Variants in RGS7 observed in about 807,000 individuals in gnomAD.
RGS7 encodes the protein regulator of G-protein signaling 7.
RGS7 carries 27 observed loss-of-function variants against 81.1 expected under a neutral mutation model. The ratio of observed to expected loss-of-function variants is 0.33; its 90% CI spans 0.25 to 0.46. The LOEUF is 0.46. Ranked by LOEUF, RGS7 falls within the 20% of genes least tolerant of loss-of-function variation. The probability of loss-of-function intolerance (pLI) is 1.00; values close to 1 mark genes in which losing one functional copy is unlikely to be tolerated. For missense variants in RGS7, 396 were observed against 607.4 expected, an observed-to-expected ratio of 0.65 and a Z score of 3.66; for synonymous variants, 208 against 207.7, an observed-to-expected ratio of 1.00 and a Z score of -0.01.
intron 3 of RGS7, among the ~76,000 whole-genome samples, chr1:241,050,670 C>T (rs761055102): frequency 6.6e-5 from 10 of 152,198 alleles, no homozygotes; most frequent in South Asian, 2.1e-4. Flanking sequence ...GCAACACCAA[C>T]GCCTCCTCCT....
chr1:240,856,514 C>T (rs1355759444), intron 9 of RGS7, among the ~76,000 whole-genome samples: 1 of 152,110 alleles, frequency 6.6e-6, no homozygotes, highest in Non-Finnish European at 1.5e-5. Flanking sequence ...AAATGTACCA[C>T]TTTACTTCTC....
At chr1:240,916,109 C>CAAAAA (rs60839025) in intron 6 of RGS7, among the ~76,000 whole-genome samples, 49 of 70,946 alleles carry the variant, frequency 6.9e-4, no homozygotes, top group African/African-American at 2.2e-3. Flanking sequence ...CTAAAAATAC[C>CAAAAA]AAAAAAAAAA....
At chr1:241,296,596 G>A (rs77878421) in intron 2 of RGS7, among the ~76,000 whole-genome samples, 23,859 of 152,212 alleles carry the variant, frequency 0.16, 2,363 homozygotes, top group Middle Eastern at 0.25. Context: ...CCACATGGAC[G>A]GAAGACGTTC....
intron 3 of RGS7, among the ~76,000 whole-genome samples, chr1:241,016,564 CA>C (rs773086216): frequency 1.6e-5 from 2 of 124,666 alleles, no homozygotes; most frequent in African/African-American, 8.2e-5. Flanking sequence ...ACCAACCAAA[CA>C]AACAAAAAAA....
chr1:241,146,370 G>A (rs192527481), intron 2 of RGS7, among the ~76,000 whole-genome samples: 4 of 152,280 alleles, frequency 2.6e-5, no homozygotes, highest in Admixed American at 1.3e-4. Context: ...ATCCTATGCC[G>A]TTTTATATAA....
chr1:241,313,722 A>T (rs1340572299), intron 2 of RGS7, among the ~76,000 whole-genome samples: 1 of 152,224 alleles, frequency 6.6e-6, no homozygotes, highest in Admixed American at 6.5e-5. Context: ...TCTCTGATGG[A>T]TCTAGCAAAA....
rs377003712 is a variant in RGS7 at position 240,806,130 on chromosome 1, G to C, written c.1269+10C>G. On this transcript the variant is annotated intron_variant, in intron 15 of 18. Coordinates refer to ENST00000440928, the MANE Select transcript of RGS7 (RefSeq NM_001364886.1). ...GCACGTTTGTGGTGTGAGGCTCACC[G>C]TACACCCACCTGAGCATCTTCAAAT... is the stretch of plus-strand genomic sequence containing the variant. 2 of 1,611,398 alleles carry C rather than the reference G, an allele frequency of 1.2e-6. No individual in the cohort carries two copies. The highest frequency in any genetic ancestry group is 2.2e-5 in the South Asian group (2 of 91,002).
chr1:241,164,916 TA>T lies in RGS7; in HGVS notation c.79-66155del, dbSNP rs2070065197. Among the ~76,000 whole-genome samples the T allele has an allele frequency of 6.6e-6, 1 of 152,218 alleles. No individual in the cohort carries two copies. Among genetic ancestry groups the T allele is most frequent in the Non-Finnish European group, 1.5e-5 (1 of 68,038 alleles). On this transcript the variant is annotated intron_variant, in intron 2 of 18. Transcript: ENST00000440928. The surrounding 1 kb of genome is among the most constrained non-coding windows in gnomAD (Gnocchi z 4.1). Reference sequence around the variant, plus strand: ...CATCACAAGAGAACTCAAATGACTATAACCATAATCGTAGAACTGAACTGTG... The same window carrying T: ...CATCACAAGAGAACTCAAATGACTATACCATAATCGTAGAACTGAACTGTG...
At chr1:241,180,167 C>T (rs1372332317) in intron 2 of RGS7, among the ~76,000 whole-genome samples, 2 of 151,986 alleles carry the variant, frequency 1.3e-5, no homozygotes, top group Non-Finnish European at 2.9e-5. Flanking sequence ...GAGGTCAGAT[C>T]GAGACCATCA....
Position 240,918,970 on chromosome 1 carries a change from C to T in RGS7, c.385+11747G>A, listed in dbSNP as rs545678495. 4.6e-5 allele frequency among the ~76,000 whole-genome samples: 7 copies of T among 152,058 alleles called. No homozygotes were observed. In the South Asian group the frequency reaches 1.4e-3, roughly 31 times the overall value. On this transcript the variant is annotated intron_variant, in intron 6 of 18. Transcript: ENST00000440928. ...CAACTCAACCCCACAAATTTGATAACAAATTTTTGGTTCAAAAATTTGAAC... is the reference window on the plus strand; with the variant it reads ...CAACTCAACCCCACAAATTTGATAATAAATTTTTGGTTCAAAAATTTGAAC...
intron 2 of RGS7, among the ~76,000 whole-genome samples, chr1:241,295,386 G>A (rs902720444): frequency 5.9e-5 from 9 of 152,016 alleles, no homozygotes; most frequent in African/African-American, 1.9e-4. Flanking sequence ...CTGAGAGGTG[G>A]AGGTTGCAGT....
chr1:240,995,532 T>C (rs1376195362), intron 3 of RGS7, among the ~76,000 whole-genome samples: 1 of 152,190 alleles, frequency 6.6e-6, no homozygotes, highest in Non-Finnish European at 1.5e-5. Flanking sequence ...ATTCAAATTA[T>C]CCATTTCATA....
chr1:241,243,078 C>A (rs1256728984), intron 2 of RGS7, among the ~76,000 whole-genome samples: 2 of 152,108 alleles, frequency 1.3e-5, no homozygotes, highest in Admixed American at 1.3e-4. Context: ...TATCCCCAAC[C>A]CAACTTTGAT....
intron 2 of RGS7, among the ~76,000 whole-genome samples, chr1:241,248,240 T>C (rs952110121): frequency 4.0e-5 from 6 of 151,846 alleles, no homozygotes; most frequent in Non-Finnish European, 4.4e-5. Flanking sequence ...GTGTTTGCAA[T>C]GATGTGTATT....
At chr1:240,820,541 C>A (rs563829995) in intron 10 of RGS7, among the ~76,000 whole-genome samples, 1 of 152,020 alleles carries the variant, frequency 6.6e-6, no homozygotes, top group East Asian at 1.9e-4. Flanking sequence ...AAATCCTCAA[C>A]CCCTAATGTG....
chr1:241,005,741 T>G (rs897570816), intron 3 of RGS7, among the ~76,000 whole-genome samples: 5 of 152,128 alleles, frequency 3.3e-5, no homozygotes, highest in African/African-American at 1.2e-4. Flanking sequence ...TCACTTACGT[T>G]GGCCAGGCTG....
chr1:240,935,067 T>C (rs1676391628), intron 5 of RGS7, among the ~76,000 whole-genome samples: 1 of 122,306 alleles, frequency 8.2e-6, no homozygotes, highest in Non-Finnish European at 1.9e-5. Context: ...TTTTTTTGTT[T>C]GTTTTTTTTT....
chr1:240,793,190 C>CA (rs1307010962), intron 18 of RGS7, among the ~76,000 whole-genome samples: 4 of 152,092 alleles, frequency 2.6e-5, no homozygotes, highest in African/African-American at 9.7e-5. Context: ...GACACTCTGA[C>CA]AAAAACCCAT....
chr1:241,333,973 T>C (rs1573726981), intron 2 of RGS7, among the ~76,000 whole-genome samples: 3 of 151,700 alleles, frequency 2.0e-5, no homozygotes, highest in East Asian at 3.9e-4. Flanking sequence ...TATAATATTA[T>C]AGTTTTATAA....
Sources: allele counts gnomAD v4.1 joint callset (sites outside exome capture counted in the v4.1 genomes callset), GRCh38; gene constraint gnomAD v4.1.1; non-coding constraint Gnocchi (gnomAD v3.1); transcripts MANE v1.5; gene names NCBI Gene and HGNC (gene_info 2026-07-23, HGNC 2026-07-21).